The following LHB variants were observed in gnomAD, a reference collection of about 807,000 sequenced individuals.
LHB encodes the protein lutropin subunit beta.
Under a neutral mutation model 10.6 loss-of-function variants are expected in LHB, and 11 were observed. The observed-to-expected ratio is 1.04, with a 90% CI of 0.66 to 1.72. LHB has a LOEUF of 1.72. LHB is among the 40% of genes most tolerant of loss of function. LHB has a pLI of 0.00. For synonymous variants in LHB, 86 were observed against 83.1 expected (o/e 1.03, Z -0.19); for missense variants, 184 against 197.3 (o/e 0.93, Z 0.41).
rs746727145 is a variant in LHB at position 49,016,672 on chromosome 19, C to T, written c.58G>A (p.Ala20Thr). 6.2e-7 allele frequency: 1 copy of T among 1,611,996 alleles called. No homozygotes were observed. The highest frequency in any genetic ancestry group is 8.5e-7 in the Non-Finnish European group (1 of 1,179,804). The part of the protein sequence containing the change: ...LLLLSMGGAW[A>T]SREPLRPWCH... ...CATGGCCGAAGCGGCTCCCTGGATG[C>T]CCATGCCCCGCCCATGCTCAGCAGC... The change falls in exon 2 of 3, where the codon GCA becomes ACA. Residue 20 changes from alanine to threonine, a missense_variant. By Grantham distance (58) the Ala-to-Thr change is moderately conservative. Coordinates refer to ENST00000649238, the MANE Select transcript of LHB (RefSeq NM_000894.3).
chr19:49,016,269 C>T lies in LHB; in HGVS notation c.225G>A (p.Val75=), dbSNP rs2039550163. Residue 75 remains valine (V), a synonymous_variant, in exon 3 of 3, where the codon GTG becomes GTA. Transcript: ENST00000649238. ...LQAVLPPLPQ[V]VCTYRDVRFE... ...AGCGCACATCACGGTAGGTGCACAC[C>T]ACCTGAGGCAGGGGCGGCAGGACCG... 3 of 1,612,186 alleles carry T rather than the reference C, an allele frequency of 1.9e-6. No individual in the cohort carries two copies. The highest frequency in any genetic ancestry group is 2.5e-6 in the Non-Finnish European group (3 of 1,179,838).
At chr19:49,016,475 CT>C (rs957108421) in intron 2 of LHB, 71 bp downstream of exon 2, 26 of 1,603,840 alleles carry the variant, frequency 1.6e-5, no homozygotes, top group Non-Finnish European at 2.0e-5. Flanking sequence ...GCAGACCACC[CT>C]TCCTCCCCCG....
At chr19:49,016,448 A>G in intron 2 of LHB, 99 bp downstream of exon 2, 1 of 1,602,384 alleles carries the variant, frequency 6.2e-7, no homozygotes, top group East Asian at 2.2e-5. Flanking sequence ...CCCATTCCCC[A>G]ACCGCAGGCC....
chr19:49,017,243 A>C (rs567019643), upstream of LHB, among the ~76,000 whole-genome samples: 2 of 152,220 alleles, frequency 1.3e-5, no homozygotes, highest in South Asian at 4.1e-4. Context: ...GGCTCAGCAG[A>C]GCGCCCCAGC....
At chr19:49,017,255 C>G (rs186460227), upstream of LHB, among the ~76,000 whole-genome samples, 4 of 152,116 alleles carry the variant, frequency 2.6e-5, no homozygotes, top group Non-Finnish European at 4.4e-5. Context: ...CGCCCCAGCC[C>G]TCTCCCCTCA....
chr19:49,017,223 G>T, upstream of LHB: 1 of 1,437,430 alleles, frequency 7.0e-7, no homozygotes, highest in Non-Finnish European at 9.8e-7. Context: ...GGCCAGGGAG[G>T]CGCAGGAGTG....
At chr19:49,017,102 C>T (rs756782128), upstream of LHB, 36 of 1,613,952 alleles carry the variant, frequency 2.2e-5, no homozygotes, top group South Asian at 3.6e-4. Context: ...TCCCCTGCCT[C>T]GTGTATCTGG....
At chr19:49,018,983 C>A (rs1282836411), upstream of LHB, 4 of 1,533,254 alleles carry the variant, frequency 2.6e-6, no homozygotes, top group Middle Eastern at 2.2e-4. Context: ...CGGGGTTCTT[C>A]GTCCAGGCAA....
intron 1 of LHB, 167 bp downstream of exon 1, chr19:49,016,900 C>T: frequency 3.8e-6 from 6 of 1,592,204 alleles, no homozygotes; most frequent in Non-Finnish European, 5.1e-6. Context: ...TGAGATGCCC[C>T]AACATTTCAG....
chr19:49,017,912 TCCGCTCGGCAGCGCGG>T (rs2039585835), upstream of LHB: 1 of 398,282 alleles, frequency 2.5e-6, no homozygotes, highest in Non-Finnish European at 4.4e-6. Context: ...GGTCCCGAGC[TCCGCTCGGCAGCGCGG>T]CCCTGGGGGC....
upstream of LHB, chr19:49,018,155 G>T: frequency 5.0e-6 from 2 of 403,072 alleles, no homozygotes. Flanking sequence ...CAGAGACAGG[G>T]CTCCCCGGTG....
chr19:49,016,328 G>C lies in LHB; in HGVS notation c.184-18C>G, dbSNP rs374110086. ...ACGCGCATCTGGAGGCCGTGTGAGT[G>C]GGGGAATGAGCATGTGCCTGAGGCC... On this transcript the variant is annotated intron_variant, in intron 2 of 2. Coordinates refer to ENST00000649238, the MANE Select transcript of LHB (RefSeq NM_000894.3). 2.5e-6 allele frequency: 4 copies of C among 1,609,134 alleles called. No individual in the cohort carries two copies. Among genetic ancestry groups the C allele is most frequent in the African/African-American group, 1.3e-5 (1 of 74,958 alleles).
chr19:49,018,664 T>TA (rs2039594785), upstream of LHB, among the ~76,000 whole-genome samples: 1 of 151,908 alleles, frequency 6.6e-6, no homozygotes, highest in Non-Finnish European at 1.5e-5. Context: ...TTCCTGTCCC[T>TA]ACCGCGGTTC....
chr19:49,016,250 C>T lies in LHB; in HGVS notation c.244G>A (p.Val82Met). Residue 82 changes from valine (V) to methionine (M), a missense_variant, in exon 3 of 3, where the codon GTG becomes ATG. Val to Met is a conservative substitution (Grantham distance 21). Transcript: ENST00000649238. ...GGGAGCCGGATGGACTCGAAGCGCA[C>T]ATCACGGTAGGTGCACACCACCTGA... is the stretch of plus-strand genomic sequence containing the variant. ...LPQVVCTYRDVRFESIRLPGC... is the reference protein window; with the variant it reads ...LPQVVCTYRDMRFESIRLPGC... 1 of 1,612,452 alleles carries T rather than the reference C, an allele frequency of 6.2e-7. No homozygotes were observed. Among genetic ancestry groups the T allele is most frequent in the Non-Finnish European group, 8.5e-7 (1 of 1,179,894 alleles).
chr19:49,019,249 A>C (rs1600208635), upstream of LHB: 1 of 1,301,002 alleles, frequency 7.7e-7, no homozygotes, highest in Non-Finnish European at 9.8e-7. Flanking sequence ...TGTTCAAGGA[A>C]CTCAAACCCA....
upstream of LHB, chr19:49,018,755 A>G: frequency 1.2e-6 from 1 of 868,094 alleles, no homozygotes; most frequent in African/African-American, 1.7e-5. Flanking sequence ...TCTTGCTGCT[A>G]CAGAAGTCGA....
At chr19:49,017,167 TG>T (rs2039570028), upstream of LHB, 3 of 1,595,638 alleles carry the variant, frequency 1.9e-6, no homozygotes, top group East Asian at 6.7e-5. Context: ...GATAGGATGC[TG>T]GGGTAACCTG....
At position 49,016,616 on chromosome 19, in the gene LHB, G is replaced by C. The variant is rs6521; in HGVS notation, c.114C>G (p.Val38=). The change falls in exon 2 of 3, where the codon GTC becomes GTG. Residue 38 remains valine, a synonymous_variant. Transcript: ENST00000649238. ...TGCACACTGGGCAGCCCTCCTTCTC[G>C]ACAGCCAGGATGGCATTGATGGGGT... ...WCHPINAILA[V]EKEGCPVCIT... The C allele has an allele frequency of 0.56, 895,815 of 1,587,092 alleles. 258,586 individuals are homozygous for C. The highest frequency in any genetic ancestry group is 0.66 in the Admixed American group (39,447 of 59,508).
chr19:49,016,168 C>T lies in LHB; in HGVS notation c.326G>A (p.Arg109His), dbSNP rs777561425. Residue 109 changes from arginine (R) to histidine (H), a missense_variant, in exon 3 of 3, where the codon CGC becomes CAC. Coordinates refer to ENST00000649238, the MANE Select transcript of LHB (RefSeq NM_000894.3). ...GGTGCTGCGGCGGCAGGGTCCACAG[C>T]GACAGCTGAGAGCCACAGGGAAGGA... ...VVSFPVALSC[R>H]CGPCRRSTSD... 14 of 1,612,498 alleles carry T rather than the reference C, an allele frequency of 8.7e-6. No individual in the cohort carries two copies. Among genetic ancestry groups the T allele is most frequent in the African/African-American group, 4.0e-5 (3 of 74,858 alleles).
Sources: allele counts gnomAD v4.1 joint callset (sites outside exome capture counted in the v4.1 genomes callset), GRCh38; gene constraint gnomAD v4.1.1; transcripts MANE v1.5; gene names NCBI Gene and HGNC (gene_info 2026-07-23, HGNC 2026-07-21).